The following PDCD5 variants were observed in gnomAD, a reference collection of about 807,000 sequenced individuals.
The protein encoded by PDCD5 is programmed cell death 5, also known as programmed cell death protein 5.
Under a neutral mutation model 21.9 loss-of-function variants are expected in PDCD5, and 23 were observed. The observed-to-expected ratio is 1.05, with a 90% CI of 0.76 to 1.49. The LOEUF (loss-of-function observed/expected upper bound fraction) is 1.49, where lower values mean the gene tolerates loss of function less well. Among genes scored for constraint, PDCD5 ranks in the 40% most tolerant of loss-of-function variants. PDCD5 has a pLI of 0.00. For synonymous variants in PDCD5, 45 were observed against 49.4 expected, an observed-to-expected ratio of 0.91 and a Z score of 0.37; for missense variants, 152 against 147.7, an observed-to-expected ratio of 1.03 and a Z score of -0.15.
chr19:32,582,323 AT>A (rs1312274480), intron 2 of PDCD5, 91 bp downstream of exon 2: 6 of 1,188,768 alleles, frequency 5.0e-6, no homozygotes, highest in South Asian at 2.6e-5. Context: ...TGTGACTCAG[AT>A]TTTTTTGTTT....
rs753463245 is a variant in PDCD5, at chr19:32,582,167, CTATTA to C, written c.67-27_67-23del. ...TCCCGCCGCCTCCCGTGAAATTTCT[CTATTA>C]AATTTAAGTTTTTTTTTTCCAGGAT... On this transcript the variant is annotated intron_variant, in intron 1 of 5. Transcript: ENST00000590247. The C allele has an allele frequency of 1.1e-5, 17 of 1,580,750 alleles. No homozygotes were observed. In the Admixed American group the frequency reaches 2.9e-4, roughly 27 times the overall value.
At chr19:32,587,134 C>A (rs1971484829) in intron 5 of PDCD5, 119 bp from the exon 6 acceptor site, 2 of 865,636 alleles carry the variant, frequency 2.3e-6, no homozygotes, top group South Asian at 1.6e-5. Context: ...CCTTTTAGTT[C>A]ACGCTAAGTT....
At chr19:32,583,568 T>A (rs894063944) in intron 2 of PDCD5, among the ~76,000 whole-genome samples, 3 of 151,506 alleles carry the variant, frequency 2.0e-5, no homozygotes, top group African/African-American at 7.3e-5. Flanking sequence ...TGAATGGAGA[T>A]CTCTATTAGA....
Position 32,586,903 on chromosome 19 carries a change from CA to C in PDCD5, c.307del (p.Thr103GlnfsTer7), listed in dbSNP as rs1431108874. The C allele has an allele frequency of 3.1e-6, 5 of 1,612,046 alleles. No individual in the cohort carries two copies. Among genetic ancestry groups the C allele is most frequent in the Non-Finnish European group, 4.2e-6 (5 of 1,179,192 alleles). On this transcript the variant is annotated frameshift_variant, in exon 5 of 6. Coordinates refer to ENST00000590247, the MANE Select transcript of PDCD5 (RefSeq NM_004708.4). LOFTEE classifies it high-confidence loss of function. ...LIEILKKVSQ[Q>X]TEKTTTVKFN... ...AGAAATCCTTAAAAAAGTAAGCCAA[CA>C]AACAGAAAAGACAACAACAGTGAAA... is the stretch of plus-strand genomic sequence containing the variant.
At chr19:32,587,125 C>G (rs1971484748) in intron 5 of PDCD5, 128 bp from the exon 6 acceptor site, 2 of 834,398 alleles carry the variant, frequency 2.4e-6, no homozygotes. Flanking sequence ...CATTCCCACC[C>G]TTTTAGTTCA....
At chr19:32,583,113 G>C (rs1479220718) in intron 2 of PDCD5, among the ~76,000 whole-genome samples, 1 of 152,172 alleles carries the variant, frequency 6.6e-6, no homozygotes, top group African/African-American at 2.4e-5. Flanking sequence ...GCTATCACTT[G>C]AGTACATTTC....
chr19:32,586,067 T>A (rs10500262), intron 4 of PDCD5, 160 bp downstream of exon 4: 800,584 of 1,553,930 alleles, frequency 0.52, 218,881 homozygotes, highest in Non-Finnish European at 0.57. Flanking sequence ...GAGAATAAAT[T>A]GCCTTTCCTA....
At chr19:32,586,647 C>T (rs1018919813) in intron 4 of PDCD5, 1 of 1,281,564 alleles carries the variant, frequency 7.8e-7, no homozygotes, top group African/African-American at 1.5e-5. Flanking sequence ...GATACTTCCC[C>T]CTCCTTCTCA....
rs754217896 is a variant in PDCD5, at chr19:32,584,991, A to C, written c.146A>C (p.Asp49Ala). 5 of 1,614,062 alleles carry C rather than the reference A, an allele frequency of 3.1e-6. No homozygotes were observed. In the Admixed American group the frequency reaches 6.7e-5, roughly 22 times the overall value. The change falls in exon 3 of 6, where the codon GAT becomes GCT. Residue 49 changes from aspartate to alanine, a missense_variant. Physicochemically the swap from Asp to Ala is moderately radical, Grantham distance 126. Transcript: ENST00000590247. ...AACAGTATCTTAGCCCAAGTTCTGG[A>C]TCAGTCGGCCCGGGCCAGGTGTAAG... The part of the protein sequence containing the change: ...MRNSILAQVL[D>A]QSARARLSNL...
intron 1 of PDCD5, chr19:32,581,755 C>T: frequency 4.7e-6 from 1 of 211,642 alleles, no homozygotes; most frequent in Non-Finnish European, 9.2e-6. Context: ...GTCGGAGGAA[C>T]GCTTGCCCCG....
intron 1 of PDCD5, among the ~76,000 whole-genome samples, chr19:32,581,931 G>T (rs1406377905): frequency 6.6e-6 from 1 of 152,156 alleles, no homozygotes; most frequent in African/African-American, 2.4e-5. Flanking sequence ...ATTCCTACAT[G>T]TGAAACACGG....
At chr19:32,585,147 T>G (rs932415135) in intron 3 of PDCD5, 136 bp downstream of exon 3, 27 of 708,452 alleles carry the variant, frequency 3.8e-5, no homozygotes, top group Non-Finnish European at 6.6e-5. Flanking sequence ...AAGTGTGAAG[T>G]TTATAAACCT....
At chr19:32,583,396 C>G (rs2145239051) in intron 2 of PDCD5, among the ~76,000 whole-genome samples, 1 of 152,014 alleles carries the variant, frequency 6.6e-6, no homozygotes, top group Non-Finnish European at 1.5e-5. Context: ...CCTCCCACCT[C>G]AGCCTCCTGA....
At chr19:32,586,033 A>G (rs770144721) in intron 4 of PDCD5, 126 bp downstream of exon 4, 1 of 1,592,660 alleles carries the variant, frequency 6.3e-7, no homozygotes. Flanking sequence ...ATTGTTGGAG[A>G]GAATAGTCAT....
chr19:32,586,695 A>G, intron 4 of PDCD5, 163 bp from the exon 5 acceptor site: 1 of 1,329,034 alleles, frequency 7.5e-7, no homozygotes, highest in Non-Finnish European at 9.6e-7. Flanking sequence ...TTGGAACTTA[A>G]ACCAATAGTT....
At chr19:32,587,057 T>A (rs1196645063) in intron 5 of PDCD5, 128 bp downstream of exon 5, 1 of 945,576 alleles carries the variant, frequency 1.1e-6, no homozygotes, top group Non-Finnish European at 1.6e-6. Context: ...CGTGAAAGTT[T>A]GGGGAGAAAG....
chr19:32,586,167 T>C (rs1971474501), intron 4 of PDCD5: 3 of 1,463,558 alleles, frequency 2.0e-6, no homozygotes, highest in Middle Eastern at 2.4e-4. Flanking sequence ...CTAGCTTCAA[T>C]TGCCCCTGCA....
chr19:32,586,217 A>T, intron 4 of PDCD5: 1 of 1,441,856 alleles, frequency 6.9e-7, no homozygotes, highest in Non-Finnish European at 9.0e-7. Flanking sequence ...TTAAAATACT[A>T]CCAGTGTAAG....
chr19:32,585,086 T>C (rs983057855), intron 3 of PDCD5, 75 bp downstream of exon 3: 7 of 999,292 alleles, frequency 7.0e-6, no homozygotes, highest in Non-Finnish European at 8.1e-6. Flanking sequence ...CCATTATTGC[T>C]ATCACTAGAT....
Sources: allele counts gnomAD v4.1 joint callset (sites outside exome capture counted in the v4.1 genomes callset), GRCh38; gene constraint gnomAD v4.1.1; transcripts MANE v1.5; gene names NCBI Gene and HGNC (gene_info 2026-07-23, HGNC 2026-07-21).